Variants in EPB41L4A observed in about 807,000 individuals in gnomAD.
EPB41L4A encodes the protein band 4.1-like protein 4A.
Under a neutral mutation model 108.6 loss-of-function variants are expected in EPB41L4A, and 100 were observed. The ratio of observed to expected loss-of-function variants is 0.92; its 90% confidence interval spans 0.78 to 1.09. The LOEUF (loss-of-function observed/expected upper bound fraction) is 1.09. EPB41L4A is among the 50% of genes least tolerant of loss of function. The pLI is 0.00. For synonymous variants in EPB41L4A, 319 were observed against 289.0 expected (o/e 1.10, Z -1.05); for missense variants, 1,030 against 842.7 (o/e 1.22, Z -2.75).
At chr5:112,263,598 A>AT (rs1751640336) in intron 6 of EPB41L4A, 1 of 152,146 alleles carries the variant, frequency 6.6e-6, no homozygotes, top group Non-Finnish European at 1.5e-5. Flanking sequence ...TGCCCTTCCT[A>AT]ATGTTATAAC....
At chr5:112,259,085 T>G (rs972862173) in intron 9 of EPB41L4A, 144 bp downstream of exon 9, 1 of 658,334 alleles carries the variant, frequency 1.5e-6, no homozygotes, top group East Asian at 2.6e-5. Flanking sequence ...CTTTCCTTCC[T>G]TGAGAAGTTG....
rs139324967 is a variant in EPB41L4A, at chr5:112,331,712, G to A, written c.100-24222C>T. 1.4e-3 allele frequency among the ~76,000 whole-genome samples: 206 copies of A among 152,250 alleles called. 3 individuals are homozygous for A. Among genetic ancestry groups the A allele is most frequent in the African/African-American group, 4.7e-3 (197 of 41,536 alleles). On this transcript the variant is annotated intron_variant, in intron 1 of 22. Transcript: ENST00000261486. Reference sequence around the variant, plus strand: ...TGTATAAGCAGGATGCAGGATCTTCGCAAGTCCAGCTGATGGAGTTGGGAG... The same window carrying A: ...TGTATAAGCAGGATGCAGGATCTTCACAAGTCCAGCTGATGGAGTTGGGAG...
intron 1 of EPB41L4A, among the ~76,000 whole-genome samples, chr5:112,359,544 CTTTT>C (rs5870498): frequency 6.8e-6 from 1 of 146,364 alleles, no homozygotes; most frequent in Admixed American, 6.8e-5. Flanking sequence ...TGAAAGTCTT[CTTTT>C]TTTTTTTTTT....
chr5:112,145,782 A>G (rs192083509), intron 13 of EPB41L4A: 1 of 322,368 alleles, frequency 3.1e-6, no homozygotes, highest in East Asian at 8.8e-5. Context: ...AAAGAATTAA[A>G]GAAAAAGGCC....
intron 22 of EPB41L4A, 44 bp downstream of exon 22, chr5:112,168,695 T>C (rs1465894002): frequency 1.3e-6 from 2 of 1,506,612 alleles, no homozygotes; most frequent in Non-Finnish European, 1.8e-6. Context: ...CTTCTCAAAA[T>C]TGTCATCAAT....
At chr5:112,302,024 T>C (rs775139571) in intron 2 of EPB41L4A, among the ~76,000 whole-genome samples, 2 of 152,110 alleles carry the variant, frequency 1.3e-5, no homozygotes, top group African/African-American at 4.8e-5. Context: ...TGTTCATAAA[T>C]TTTTATAAAG....
At chr5:112,377,014 G>A (rs528057491) in intron 1 of EPB41L4A, among the ~76,000 whole-genome samples, 119 of 151,984 alleles carry the variant, frequency 7.8e-4, no homozygotes, top group African/African-American at 2.9e-3. Context: ...GACCAACCTA[G>A]GCAACACAGG....
chr5:112,152,819 G>T lies in EPB41L4A; in HGVS notation n.994+5582C>A, dbSNP rs928394436. ...AATCATGAAGAAAAAAATTCTCGAA[G>T]CAAAAAAAATTACCAGATTCAAAGA... is the stretch of plus-strand genomic sequence containing the variant. On this transcript the variant is annotated intron_variant and non_coding_transcript_variant, in intron 12 of 13. Transcript: ENST00000507810. 4.0e-5 allele frequency among the ~76,000 whole-genome samples: 6 copies of T among 151,634 alleles called. 1 individual carries two copies. The highest frequency in any genetic ancestry group is 2.0e-4 in the Admixed American group (3 of 15,248).
At chr5:112,398,081 A>G (rs896070674) in intron 1 of EPB41L4A, among the ~76,000 whole-genome samples, 3 of 152,260 alleles carry the variant, frequency 2.0e-5, no homozygotes, top group Non-Finnish European at 2.9e-5. Context: ...AATGATGCAT[A>G]AAACAAGCTG....
intron 1 of EPB41L4A, among the ~76,000 whole-genome samples, chr5:112,337,609 G>C (rs1757004091): frequency 6.6e-6 from 1 of 152,108 alleles, no homozygotes; most frequent in Non-Finnish European, 1.5e-5. Context: ...TGGGAGGACA[G>C]CATAACCCCC....
chr5:112,202,444 C>T (rs1018131468), intron 15 of EPB41L4A, among the ~76,000 whole-genome samples: 2 of 152,186 alleles, frequency 1.3e-5, no homozygotes, highest in African/African-American at 4.8e-5. Flanking sequence ...GCACCAATTC[C>T]CTACTTAATC....
chr5:112,168,546 G>T (rs535522127), intron 22 of EPB41L4A, among the ~76,000 whole-genome samples, 193 bp downstream of exon 22: 50 of 152,266 alleles, frequency 3.3e-4, no homozygotes, highest in South Asian at 8.3e-4. Flanking sequence ...ACTCTTCCCA[G>T]ATTGTGCCAG....
At chr5:112,179,553 G>C (rs1041645035) in intron 18 of EPB41L4A, among the ~76,000 whole-genome samples, 1 of 152,062 alleles carries the variant, frequency 6.6e-6, no homozygotes, top group Non-Finnish European at 1.5e-5. Context: ...ATTCCTCCAC[G>C]AACACAATAA....
chr5:112,229,964 G>A (rs1030693373), intron 12 of EPB41L4A, among the ~76,000 whole-genome samples: 3 of 149,268 alleles, frequency 2.0e-5, no homozygotes, highest in Admixed American at 1.3e-4. Context: ...CTCCAGCCTG[G>A]GAGGCAGAGC....
chr5:112,418,503 T>A (rs116719040), intron 1 of EPB41L4A, among the ~76,000 whole-genome samples: 3,721 of 151,298 alleles, frequency 0.025, 75 homozygotes, highest in Non-Finnish European at 0.035. Context: ...CATTAATGCG[T>A]TTCAACGAGT....
chr5:112,353,276 C>A (rs1032169551), intron 1 of EPB41L4A, among the ~76,000 whole-genome samples: 1 of 152,096 alleles, frequency 6.6e-6, no homozygotes, highest in African/African-American at 2.4e-5. Flanking sequence ...CTTTGGACAC[C>A]TGGGTGGCAT....
rs76631191 is a variant in EPB41L4A, at chr5:112,143,622, A to G, written n.1371T>C. On this transcript the variant is annotated non_coding_transcript_exon_variant, in exon 14 of 14. Transcript: ENST00000507810. ...CTCTCTTTGTGTTGGCCTCATTCTT[A>G]CTATTGCAGACAGGCTTTCTCTACA... 4.3e-4 allele frequency: 85 copies of G among 196,420 alleles called. 1 individual carries two copies. Among genetic ancestry groups the G allele is most frequent in the African/African-American group, 2.0e-3 (84 of 42,790 alleles). The allele number at this position is 196,420 out of a possible 1,614,324, so 12.2% of individuals were successfully genotyped here. A position where few individuals can be genotyped will look rare whatever the true frequency, so the allele number is the denominator to read the frequency against.
chr5:112,232,978 A>G (rs994358239), intron 12 of EPB41L4A, among the ~76,000 whole-genome samples: 2 of 152,216 alleles, frequency 1.3e-5, no homozygotes, highest in South Asian at 2.1e-4. Flanking sequence ...TCTGTGAGCA[A>G]TGAGCACTGA....
At chr5:112,308,911 GGAAAT>G (rs1754864590) in intron 1 of EPB41L4A, among the ~76,000 whole-genome samples, 1 of 152,110 alleles carries the variant, frequency 6.6e-6, no homozygotes, top group Non-Finnish European at 1.5e-5. Context: ...GGGGAATAAA[GGAAAT>G]GTTTTAATTT....
Sources: gnomAD v4.1 joint callset for allele counts (sites outside exome capture counted in the v4.1 genomes callset) on GRCh38, gnomAD v4.1.1 for gene constraint, MANE v1.5 for transcripts, NCBI Gene and HGNC (gene_info 2026-07-23, HGNC 2026-07-21) for gene names.